Variants in AUTS2 observed in about 807,000 individuals in gnomAD.
AUTS2 encodes the protein activator of transcription and developmental regulator AUTS2.
AUTS2 carries 17 observed loss-of-function variants against 112.4 expected under a neutral mutation model. The ratio of observed to expected loss-of-function variants is 0.15; its 90% CI spans 0.10 to 0.23. The LOEUF (loss-of-function observed/expected upper bound fraction) is 0.23, where lower values mean the gene tolerates loss of function less well. Among genes scored for constraint, AUTS2 ranks in the 10% least tolerant of loss-of-function variants. The pLI is 1.00. For synonymous variants in AUTS2, 751 were observed against 702.7 expected, an observed-to-expected ratio of 1.07 and a Z score of -1.09; for missense variants, 1,510 against 1,701.6, an observed-to-expected ratio of 0.89 and a Z score of 1.98.
At chr7:70,095,150 C>T (rs1318049479) in intron 2 of AUTS2, among the ~76,000 whole-genome samples, 1 of 152,172 alleles carries the variant, frequency 6.6e-6, no homozygotes, top group Non-Finnish European at 1.5e-5. Flanking sequence ...TACGTGGAAA[C>T]ATCATTTGGC....
intron 4 of AUTS2, among the ~76,000 whole-genome samples, chr7:70,188,036 C>T (rs989508016): frequency 3.3e-5 from 5 of 151,992 alleles, no homozygotes; most frequent in Non-Finnish European, 7.4e-5. Context: ...ATATTAAAAC[C>T]CCAAAAGTTA....
At chr7:69,845,874 G>A (rs1792174045) in intron 1 of AUTS2, among the ~76,000 whole-genome samples, 1 of 152,196 alleles carries the variant, frequency 6.6e-6, no homozygotes, top group African/African-American at 2.4e-5. Flanking sequence ...GGATGCAGGT[G>A]CCTGGGGCTG....
intron 4 of AUTS2, among the ~76,000 whole-genome samples, chr7:70,139,467 C>T (rs1360684274): frequency 3.9e-5 from 6 of 152,136 alleles, no homozygotes; most frequent in Non-Finnish European, 7.4e-5. Flanking sequence ...CGTCATTCTA[C>T]TCATAGCATT....
chr7:69,750,440 A>C (rs555866597), intron 1 of AUTS2, among the ~76,000 whole-genome samples: 2 of 148,852 alleles, frequency 1.3e-5, no homozygotes, highest in Non-Finnish European at 3.0e-5. Context: ...TTAGTATATT[A>C]GTATTATTAT....
chr7:69,998,202 C>T (rs1352730576), intron 2 of AUTS2, among the ~76,000 whole-genome samples: 1 of 152,138 alleles, frequency 6.6e-6, no homozygotes, highest in Non-Finnish European at 1.5e-5. Context: ...AAATCTACCT[C>T]AAACTGTAAA....
chr7:70,393,325 T>C (rs1207722960), intron 4 of AUTS2, among the ~76,000 whole-genome samples: 3 of 152,254 alleles, frequency 2.0e-5, no homozygotes, highest in Non-Finnish European at 2.9e-5. Flanking sequence ...GCATGTGTGC[T>C]GGCTGGGAAG....
At chr7:69,729,712 A>G (rs1227140363) in intron 1 of AUTS2, among the ~76,000 whole-genome samples, 3 of 152,098 alleles carry the variant, frequency 2.0e-5, no homozygotes, top group African/African-American at 7.2e-5. Context: ...TCTGTGTAGA[A>G]TAGTCACAAG....
chr7:69,643,022 A>G (rs1794860045), intron 1 of AUTS2, among the ~76,000 whole-genome samples: 1 of 152,094 alleles, frequency 6.6e-6, no homozygotes, highest in Non-Finnish European at 1.5e-5. Context: ...TTGACTATGG[A>G]AGCATAAGCT....
At chr7:70,652,709 AC>A (rs1806571255) in intron 5 of AUTS2, among the ~76,000 whole-genome samples, 1 of 151,710 alleles carries the variant, frequency 6.6e-6, no homozygotes, top group South Asian at 2.1e-4. Context: ...ACATAGCAAG[AC>A]CCTGTGTCTT....
At chr7:70,462,574 C>G (rs953814582) in intron 5 of AUTS2, among the ~76,000 whole-genome samples, 29 of 152,162 alleles carry the variant, frequency 1.9e-4, no homozygotes, top group African/African-American at 6.5e-4. Context: ...CTGCACTTCT[C>G]TCTACATCCT....
chr7:69,865,691 C>T (rs1793193240), intron 1 of AUTS2, among the ~76,000 whole-genome samples: 1 of 152,166 alleles, frequency 6.6e-6, no homozygotes, highest in Non-Finnish European at 1.5e-5. Flanking sequence ...TCCTTTTTAA[C>T]CCCTGTGTGT....
chr7:69,827,267 G>A (rs1476252535), intron 1 of AUTS2, among the ~76,000 whole-genome samples: 1 of 152,096 alleles, frequency 6.6e-6, no homozygotes, highest in Non-Finnish European at 1.5e-5. Context: ...ATCCCAGAGA[G>A]ACTGTTAACT....
chr7:69,967,131 T>G (rs2129547537), intron 2 of AUTS2, among the ~76,000 whole-genome samples: 1 of 152,306 alleles, frequency 6.6e-6, no homozygotes, highest in Non-Finnish European at 1.5e-5. Context: ...TGGAGAAAGG[T>G]CACCTCCTGA....
At chr7:69,613,376 C>A (rs750909726) in intron 1 of AUTS2, among the ~76,000 whole-genome samples, 2 of 152,134 alleles carry the variant, frequency 1.3e-5, no homozygotes, top group Middle Eastern at 3.2e-3. Flanking sequence ...AGGTTGCTGC[C>A]ACTCATACAA....
At chr7:69,766,587 G>T (rs1208904774) in intron 1 of AUTS2, among the ~76,000 whole-genome samples, 1 of 152,124 alleles carries the variant, frequency 6.6e-6, no homozygotes, top group Non-Finnish European at 1.5e-5. Context: ...TTGGGCCTTG[G>T]TCTCCACGCT....
intron 5 of AUTS2, among the ~76,000 whole-genome samples, chr7:70,491,802 A>C (rs1173587816): frequency 6.6e-6 from 1 of 151,886 alleles, no homozygotes; most frequent in African/African-American, 2.4e-5. Context: ...TTTAGTAGAG[A>C]TGCGGTTTCG....
intron 5 of AUTS2, among the ~76,000 whole-genome samples, chr7:70,516,549 T>C (rs1346901881): frequency 6.6e-6 from 1 of 152,222 alleles, no homozygotes; most frequent in African/African-American, 2.4e-5. Context: ...CCTTCCTTGC[T>C]GTATCACCTT....
intron 1 of AUTS2, among the ~76,000 whole-genome samples, chr7:69,632,547 C>G (rs950261443): frequency 5.4e-5 from 8 of 148,898 alleles, no homozygotes; most frequent in African/African-American, 2.0e-4. Context: ...CTCTTCCATC[C>G]TGCCTCTCCT....
intron 4 of AUTS2, among the ~76,000 whole-genome samples, chr7:70,139,247 G>A (rs544962965): frequency 1.8e-4 from 27 of 152,260 alleles, no homozygotes; most frequent in African/African-American, 6.0e-4. Context: ...GATTACAGGC[G>A]TGAGCCACCA....
Sources: gnomAD v4.1 joint callset for allele counts (sites outside exome capture counted in the v4.1 genomes callset) on GRCh38, gnomAD v4.1.1 for gene constraint, MANE v1.5 for transcripts, NCBI Gene and HGNC (gene_info 2026-07-23, HGNC 2026-07-21) for gene names.